Variants in DOCK2 observed in about 807,000 individuals in gnomAD.
DOCK2 encodes the protein dedicator of cytokinesis 2.
DOCK2 carries 87 observed loss-of-function variants against 248.9 expected under a neutral mutation model. The observed-to-expected ratio is 0.35, with a 90% CI of 0.29 to 0.42. DOCK2 has a LOEUF of 0.42. Ranked by LOEUF, DOCK2 falls within the 10% of genes least tolerant of loss-of-function variation. DOCK2 has a pLI of 1.00. For synonymous variants in DOCK2, 805 were observed against 821.6 expected (o/e 0.98, Z 0.35); for missense variants, 1,747 against 2,300.2 (o/e 0.76, Z 4.92).
chr5:169,946,023 A>G (rs1018711114), intron 27 of DOCK2, among the ~76,000 whole-genome samples: 1 of 152,150 alleles, frequency 6.6e-6, no homozygotes, highest in African/African-American at 2.4e-5. Context: ...GCTTCCTTGC[A>G]TCCATTCACA....
intron 14 of DOCK2, among the ~76,000 whole-genome samples, chr5:169,705,222 CA>C (rs1761199104): frequency 6.6e-6 from 1 of 152,144 alleles, no homozygotes; most frequent in Non-Finnish European, 1.5e-5. Context: ...AAGTACCCAG[CA>C]ACAGGAAGGA....
chr5:170,067,031 T>C (rs75283416), intron 44 of DOCK2, among the ~76,000 whole-genome samples: 6,492 of 152,292 alleles, frequency 0.043, 227 homozygotes, highest in African/African-American at 0.096. Context: ...ACAGGTGTTC[T>C]GTTTAATTTT....
Position 170,027,848 on chromosome 5 carries a change from C to T in DOCK2, c.3382-15C>T. 1 of 1,608,494 alleles carries T rather than the reference C, an allele frequency of 6.2e-7. No individual in the cohort carries two copies. Among genetic ancestry groups the T allele is most frequent in the Non-Finnish European group, 8.5e-7 (1 of 1,177,574 alleles). On this transcript the variant is annotated splice_polypyrimidine_tract_variant and intron_variant, in intron 33 of 51. Transcript: ENST00000520908. ...TTCTGATGTTATTGTTGATTTTTGT[C>T]TCCTACATCTTCAGTTTGAAAACGA... is the stretch of plus-strand genomic sequence containing the variant.
intron 27 of DOCK2, among the ~76,000 whole-genome samples, chr5:169,898,836 C>T (rs1030272893): frequency 6.6e-6 from 1 of 152,048 alleles, no homozygotes; most frequent in South Asian, 2.1e-4. Context: ...CAAGATTTGG[C>T]CCGTGGACGG....
chr5:169,883,211 T>C, intron 27 of DOCK2: 1 of 1,551,454 alleles, frequency 6.4e-7, no homozygotes, highest in Non-Finnish European at 8.7e-7. Flanking sequence ...ATGGAGTTAC[T>C]TACTTCAGCT....
chr5:170,078,515 A>G (rs1757919046), intron 48 of DOCK2, among the ~76,000 whole-genome samples: 1 of 152,208 alleles, frequency 6.6e-6, no homozygotes, highest in African/African-American at 2.4e-5. Flanking sequence ...ACCATATGCC[A>G]AGAATATGCC....
At chr5:170,079,207 G>A (rs972234744) in intron 49 of DOCK2, 61 bp downstream of exon 49, 2 of 1,561,958 alleles carry the variant, frequency 1.3e-6, no homozygotes, top group South Asian at 2.3e-5. Flanking sequence ...TACATGCTGG[G>A]CACAAAACCC....
At chr5:169,877,416 A>G (rs147939440) in intron 27 of DOCK2, among the ~76,000 whole-genome samples, 12 of 152,298 alleles carry the variant, frequency 7.9e-5, no homozygotes, top group Non-Finnish European at 1.8e-4. Context: ...CGGCAGAGGA[A>G]TTGGAGTGAA....
chr5:170,077,818 A>T lies in DOCK2; in HGVS notation c.4975A>T (p.Ser1659Cys). 6.2e-7 allele frequency: 1 copy of T among 1,613,120 alleles called. No individual in the cohort carries two copies. The highest frequency in any genetic ancestry group is 1.1e-5 in the South Asian group (1 of 91,044). ...CATGAATTCTGACTGCAGCACCCCCAGCAAGCCTACCTCAGAGAGGTCAGT... is the reference window on the plus strand; with the variant it reads ...CATGAATTCTGACTGCAGCACCCCCTGCAAGCCTACCTCAGAGAGGTCAGT... The part of the protein sequence containing the change: ...ASMNSDCSTP[S>C]KPTSESFDLE... Residue 1659 changes from serine to cysteine, a missense_variant, in exon 48 of 52, where the codon AGC becomes TGC. Around this residue, in one of 4 missense-constraint regions of DOCK2, gnomAD observed 513 missense variants for 586.1 expected, o/e 0.88. Transcript: ENST00000520908.
At position 169,665,420 on chromosome 5, in the gene DOCK2, A is replaced by ATTTATATGTATATACACATG. The variant is rs11268513; in HGVS notation, c.128-3829_128-3810dup. ...GGAGAACTTATATATGTGTGTGTATATTTATATGTATATACACATGTTTAT... is the reference window on the plus strand; with the variant it reads ...GGAGAACTTATATATGTGTGTGTATATTTATATGTATATACACATGTTTATATGTATATACACATGTTTAT... On this transcript the variant is annotated intron_variant, in intron 2 of 51. Coordinates refer to ENST00000520908, the MANE Select transcript of DOCK2 (RefSeq NM_004946.3). 6.0e-5 allele frequency among the ~76,000 whole-genome samples: 9 copies of ATTTATATGTATATACACATG among 149,206 alleles called. No homozygotes were observed. In the South Asian group the frequency reaches 1.1e-3, roughly 17 times the overall value.
chr5:169,805,181 C>T lies in DOCK2; in HGVS notation c.2703+1975C>T, dbSNP rs147249805. ...ATTACTTGAGGCCAGGAGTTTGAGA[C>T]CAGCCTGGGCAACATTGCAAGACCT... On this transcript the variant is annotated intron_variant, in intron 26 of 51. Transcript: ENST00000520908. 5.7e-3 allele frequency among the ~76,000 whole-genome samples: 837 copies of T among 147,954 alleles called. 7 individuals carry two copies. Among genetic ancestry groups the T allele is most frequent in the Non-Finnish European group, 8.5e-3 (575 of 67,406 alleles).
chr5:169,720,647 C>T (rs949062624), intron 22 of DOCK2, among the ~76,000 whole-genome samples: 10 of 152,154 alleles, frequency 6.6e-5, no homozygotes, highest in African/African-American at 1.4e-4. Flanking sequence ...GGACACTGAG[C>T]GGCTCCCCTT....
chr5:170,022,102 A>G (rs1175961916), intron 33 of DOCK2, among the ~76,000 whole-genome samples: 1 of 152,186 alleles, frequency 6.6e-6, no homozygotes, highest in Non-Finnish European at 1.5e-5. Flanking sequence ...GCCTGATGCC[A>G]GTTTCTTGAA....
At chr5:169,822,788 T>C (rs1368608122) in intron 26 of DOCK2, among the ~76,000 whole-genome samples, 1 of 151,856 alleles carries the variant, frequency 6.6e-6, no homozygotes, top group Non-Finnish European at 1.5e-5. Flanking sequence ...CTGAAGGAGA[T>C]AGAGACACAA....
At chr5:170,033,256 T>C (rs1219934413) in intron 34 of DOCK2, among the ~76,000 whole-genome samples, 2 of 152,238 alleles carry the variant, frequency 1.3e-5, no homozygotes, top group Non-Finnish European at 2.9e-5. Context: ...GGTTCTTTTC[T>C]ATATTGATGT....
At chr5:169,933,906 A>C (rs1775872357) in intron 27 of DOCK2, among the ~76,000 whole-genome samples, 1 of 152,220 alleles carries the variant, frequency 6.6e-6, no homozygotes, top group African/African-American at 2.4e-5. Flanking sequence ...CTTCCTGAAC[A>C]AACTACTGGT....
chr5:169,857,313 A>G (rs1770946061), intron 27 of DOCK2, among the ~76,000 whole-genome samples: 1 of 152,230 alleles, frequency 6.6e-6, no homozygotes, highest in African/African-American at 2.4e-5. Context: ...TTTACTTATG[A>G]TGACAATTTA....
intron 2 of DOCK2, among the ~76,000 whole-genome samples, chr5:169,666,274 T>A (rs1489254928): frequency 6.6e-6 from 1 of 152,018 alleles, no homozygotes; most frequent in African/African-American, 2.4e-5. Flanking sequence ...CCTAATTACC[T>A]CCCAAGGACC....
At chr5:170,049,712 C>CA (rs1276310004) in intron 40 of DOCK2, among the ~76,000 whole-genome samples, 1 of 152,106 alleles carries the variant, frequency 6.6e-6, no homozygotes, top group Non-Finnish European at 1.5e-5. Context: ...TTGTGACAAC[C>CA]AAAAAACGTT....
Sources: gnomAD v4.1 joint callset for allele counts (sites outside exome capture counted in the v4.1 genomes callset) on GRCh38, gnomAD v4.1.1 for gene constraint, gnomAD v4.1.1 regional missense constraint, MANE v1.5 for transcripts, NCBI Gene and HGNC (gene_info 2026-07-23, HGNC 2026-07-21) for gene names.